The following NEDD9 variants were observed in gnomAD, a reference collection of about 807,000 sequenced individuals.
NEDD9 encodes the protein neural precursor cell expressed, developmentally down-regulated 9, also known as enhancer of filamentation 1.
NEDD9 carries 26 observed loss-of-function variants against 76.6 expected under a neutral mutation model. The ratio of observed to expected loss-of-function variants is 0.34; its 90% CI spans 0.25 to 0.47. NEDD9 has a LOEUF of 0.47. Among genes scored for constraint, NEDD9 ranks in the 20% least tolerant of loss-of-function variants. NEDD9 has a pLI of 1.00. For synonymous variants in NEDD9, 392 were observed against 414.2 expected (o/e 0.95, Z 0.65); for missense variants, 937 against 1,058.5 (o/e 0.89, Z 1.59).
intron 1 of NEDD9, among the ~76,000 whole-genome samples, chr6:11,365,232 T>C (rs1002440657): frequency 1.3e-5 from 2 of 152,196 alleles, no homozygotes; most frequent in African/African-American, 4.8e-5. Flanking sequence ...CCCGTTTCTT[T>C]CCATTGAGGA....
Position 11,185,450 on chromosome 6 carries a change from C to G in NEDD9, c.2217G>C (p.Pro739=), listed in dbSNP as rs367878402. ...LFSCVSSAQP[P]RIFVAHSKFV... is the part of the protein sequence containing the mutation. ...ACTTGCTGTGTGCCACGAAGATTCGCGGGGGCTGGGCTGAGCTGACACAAC... is the reference window on the plus strand; with the variant it reads ...ACTTGCTGTGTGCCACGAAGATTCGGGGGGGCTGGGCTGAGCTGACACAAC... The change falls in exon 7 of 7, where the codon CCG becomes CCC. Residue 739 remains proline (P), a synonymous_variant. Coordinates refer to ENST00000379446, the MANE Select transcript of NEDD9 (RefSeq NM_006403.4). The G allele has an allele frequency of 9.9e-6, 16 of 1,614,038 alleles. No homozygotes were observed. The highest frequency in any genetic ancestry group is 1.1e-5 in the Non-Finnish European group (13 of 1,180,036).
intron 3 of NEDD9, among the ~76,000 whole-genome samples, chr6:11,292,003 C>T (rs1005189988): frequency 6.6e-6 from 1 of 152,052 alleles, no homozygotes; most frequent in African/African-American, 2.4e-5. Flanking sequence ...GAATCTTTTT[C>T]ATCATGTAAT....
At chr6:11,249,944 T>C (rs1461650077) in intron 3 of NEDD9, among the ~76,000 whole-genome samples, 1 of 152,176 alleles carries the variant, frequency 6.6e-6, no homozygotes, top group African/African-American at 2.4e-5. Context: ...GGCCCAGAGA[T>C]TCCTGCCACA....
At chr6:11,376,209 G>A (rs566978961) in intron 1 of NEDD9, among the ~76,000 whole-genome samples, 1 of 152,308 alleles carries the variant, frequency 6.6e-6, no homozygotes, top group South Asian at 2.1e-4. Flanking sequence ...ATTGAAAATT[G>A]GTACTGAGAA....
intron 1 of NEDD9, among the ~76,000 whole-genome samples, chr6:11,215,998 GTTCT>G (rs1758943520): frequency 6.6e-6 from 1 of 152,164 alleles, no homozygotes; most frequent in Admixed American, 6.5e-5. Flanking sequence ...CGTCCTGGGC[GTTCT>G]TTGTCTCCTG....
intron 3 of NEDD9, among the ~76,000 whole-genome samples, chr6:11,273,344 A>G (rs2142739): frequency 0.082 from 12,440 of 152,330 alleles, 588 homozygotes; most frequent in Middle Eastern, 0.15. Context: ...GCACAGAGGT[A>G]TCAGTTACTT....
rs756607117 is a variant in NEDD9 at position 11,192,294 on chromosome 6, C to T, written c.663+51G>A. Reference sequence around the variant, plus strand: ...CCTCCCAACCCTGCACCCCCCGACACACAGACACACACACACACTCCTTTT... The same window carrying T: ...CCTCCCAACCCTGCACCCCCCGACATACAGACACACACACACACTCCTTTT... On this transcript the variant is annotated intron_variant, in intron 4 of 6. Transcript: ENST00000379446. 23 of 585,132 alleles carry T rather than the reference C, an allele frequency of 3.9e-5. No homozygotes were observed. In the South Asian group the frequency reaches 4.9e-4, roughly 12 times the overall value. The allele number at this position is 585,132 out of a possible 1,614,324, so 36.2% of individuals were successfully genotyped here. A position where few individuals can be genotyped will look rare whatever the true frequency, so the allele number is the denominator to read the frequency against.
At chr6:11,305,169 A>G (rs1761147932) in intron 3 of NEDD9, 1 of 1,283,890 alleles carries the variant, frequency 7.8e-7, no homozygotes, top group African/African-American at 1.5e-5. Context: ...TCTGAGATAC[A>G]GAAAACAGTT....
intron 2 of NEDD9, among the ~76,000 whole-genome samples, chr6:11,308,610 C>A (rs1383377109): frequency 6.6e-6 from 1 of 152,062 alleles, no homozygotes; most frequent in South Asian, 2.1e-4. Flanking sequence ...ACCTCGTGAT[C>A]CGCCCACCTC....
chr6:11,303,544 T>C (rs1386743640), intron 3 of NEDD9, among the ~76,000 whole-genome samples: 4 of 151,992 alleles, frequency 2.6e-5, no homozygotes, highest in African/African-American at 9.6e-5. Flanking sequence ...GGCATCCCGC[T>C]ACCTGACTTC....
chr6:11,348,065 G>C (rs187648614), intron 1 of NEDD9, among the ~76,000 whole-genome samples: 4 of 152,262 alleles, frequency 2.6e-5, no homozygotes, highest in African/African-American at 9.6e-5. Context: ...AACACTCCTT[G>C]AGCTGATAAG....
chr6:11,296,119 G>T (rs1190202816), intron 3 of NEDD9, among the ~76,000 whole-genome samples: 5 of 152,120 alleles, frequency 3.3e-5, no homozygotes, highest in African/African-American at 1.2e-4. Context: ...ACAGGGAGAA[G>T]ATGAAGGTCT....
chr6:11,229,720 G>C (rs11970705), intron 1 of NEDD9, among the ~76,000 whole-genome samples: 1 of 152,060 alleles, frequency 6.6e-6, no homozygotes, highest in Non-Finnish European at 1.5e-5. Context: ...AATTAAGTAC[G>C]TATGACAGTG....
At chr6:11,186,506 C>T (rs1450535292) in intron 6 of NEDD9, among the ~76,000 whole-genome samples, 2 of 152,312 alleles carry the variant, frequency 1.3e-5, no homozygotes, top group East Asian at 3.9e-4. Flanking sequence ...CTATCTGTGA[C>T]CTGAGCTTCA....
At chr6:11,318,535 T>C (rs1040729985) in intron 2 of NEDD9, among the ~76,000 whole-genome samples, 2 of 152,164 alleles carry the variant, frequency 1.3e-5, no homozygotes, top group African/African-American at 4.8e-5. Flanking sequence ...GTCTTACCAT[T>C]TCGTCTCATA....
intron 1 of NEDD9, among the ~76,000 whole-genome samples, chr6:11,374,105 T>G (rs1762931609): frequency 6.6e-6 from 1 of 152,132 alleles, no homozygotes; most frequent in African/African-American, 2.4e-5. Flanking sequence ...CACATTCCAT[T>G]GGTTCTGTTT....
intron 3 of NEDD9, chr6:11,249,080 G>A (rs1045983971): frequency 5.9e-5 from 27 of 454,952 alleles, no homozygotes; most frequent in Admixed American, 2.6e-4. Flanking sequence ...CAATGCCCAC[G>A]TATTTGGTCA....
chr6:11,284,433 G>A (rs1484230012), intron 3 of NEDD9, among the ~76,000 whole-genome samples: 1 of 151,156 alleles, frequency 6.6e-6, no homozygotes, highest in African/African-American at 2.4e-5. Flanking sequence ...GGGCATGGTG[G>A]TGGGCGCCTG....
At chr6:11,304,369 T>A (rs1195194559) in intron 3 of NEDD9, among the ~76,000 whole-genome samples, 2 of 152,248 alleles carry the variant, frequency 1.3e-5, no homozygotes, top group African/African-American at 2.4e-5. Context: ...GAGTGTAAAC[T>A]GGTTCAACCA....
Sources: allele counts gnomAD v4.1 joint callset (sites outside exome capture counted in the v4.1 genomes callset), GRCh38; gene constraint gnomAD v4.1.1; transcripts MANE v1.5; gene names NCBI Gene and HGNC (gene_info 2026-07-23, HGNC 2026-07-21).